Variants in AMH observed in about 807,000 individuals in gnomAD.
AMH encodes anti-Muellerian hormone.
AMH carries 39 observed loss-of-function variants against 33.3 expected under a neutral mutation model. That is an observed-to-expected ratio of 1.17 (90% CI 0.91 to 1.53). The LOEUF (loss-of-function observed/expected upper bound fraction) is 1.53. Ranked by LOEUF, AMH falls within the 40% of genes most tolerant of loss-of-function variation. The pLI is 0.00. For missense variants in AMH, 1,019 were observed against 799.8 expected, an observed-to-expected ratio of 1.27 and a Z score of -3.30; for synonymous variants, 536 against 403.0, an observed-to-expected ratio of 1.33 and a Z score of -3.95.
Position 2,251,293 on chromosome 19 carries a change from T to C in AMH, c.1019T>C (p.Leu340Pro). 2.0e-6 allele frequency: 3 copies of C among 1,503,316 alleles called. No homozygotes were observed. The highest frequency in any genetic ancestry group is 2.6e-6 in the Non-Finnish European group (3 of 1,133,922). The allele number at this position is 1,503,316 out of a possible 1,614,324, so 93.1% of individuals were successfully genotyped here. A position where few individuals can be genotyped will look rare whatever the true frequency, so the allele number is the denominator to read the frequency against. The change falls in exon 5 of 5, where the codon CTC becomes CCC. Residue 340 changes from leucine to proline, a missense_variant. Transcript: ENST00000221496. ...LSDPAALERL[L>P]DGEEPLLLLL... ...GACCCCGCGGCGCTGGAGCGCCTAC[T>C]CGACGGCGAGGAGCCGCTGCTGCTG... is the stretch of plus-strand genomic sequence containing the variant.
rs2024997053 is a variant in AMH at position 2,249,757 on chromosome 19, C to T, written c.412+13C>T. The stretch of plus-strand genomic sequence containing the variant: ...CACCTGGAGGAAGGTATGTGGGGCC[C>T]AGCCCCAAGCTTGGCACCGCCGTCT... On this transcript the variant is annotated intron_variant, in intron 1 of 4. Transcript: ENST00000221496. The T allele has an allele frequency of 1.3e-6, 2 of 1,494,400 alleles. No homozygotes were observed. Among genetic ancestry groups the T allele is most frequent in the African/African-American group, 1.4e-5 (1 of 71,426 alleles). The allele number at this position is 1,494,400 out of a possible 1,614,324, so 92.6% of individuals were successfully genotyped here. A position where few individuals can be genotyped will look rare whatever the true frequency, so the allele number is the denominator to read the frequency against.
At position 2,249,517 on chromosome 19, in the gene AMH, A is replaced by T; in HGVS notation, c.185A>T (p.Asp62Val). 2 of 1,604,894 alleles carry T rather than the reference A, an allele frequency of 1.2e-6. No homozygotes were observed. The highest frequency in any genetic ancestry group is 1.7e-6 in the Non-Finnish European group (2 of 1,177,140). ...EPLCLVALGGDSNGSSSPLRV... is the reference protein window; with the variant it reads ...EPLCLVALGGVSNGSSSPLRV... The stretch of plus-strand genomic sequence containing the variant: ...CTGTGCCTGGTGGCACTGGGCGGGG[A>T]CAGCAATGGCAGCAGCTCCCCCCTG... Residue 62 changes from aspartate to valine, a missense_variant, in exon 1 of 5, where the codon GAC becomes GTC. Physicochemically the swap from Asp to Val is radical, Grantham distance 152 (BLOSUM62 -3). Transcript: ENST00000221496.
chr19:2,251,160 C>T lies in AMH; in HGVS notation c.886C>T (p.Arg296Cys). ...AGACCCCTTCCTGGAGACGCTCACG[C>T]GCCTGGTGCGGGCGCTGCGGGTCCC... ...SADPFLETLTRLVRALRVPPA... is the reference protein window; with the variant it reads ...SADPFLETLTCLVRALRVPPA... The change falls in exon 5 of 5, where the codon CGC becomes TGC. Residue 296 changes from arginine (R) to cysteine (C), a missense_variant. Physicochemically the swap from Arg to Cys is radical, Grantham distance 180. Transcript: ENST00000221496. 3 of 1,522,456 alleles carry T rather than the reference C, an allele frequency of 2.0e-6. No homozygotes were observed. The highest frequency in any genetic ancestry group is 2.6e-6 in the Non-Finnish European group (3 of 1,141,578). The allele number at this position is 1,522,456 out of a possible 1,614,324, so 94.3% of individuals were successfully genotyped here.
rs2024995995 is a variant in AMH, at chr19:2,249,705, C to T, written c.373C>T (p.Pro125Ser). 2 of 1,505,414 alleles carry T rather than the reference C, an allele frequency of 1.3e-6. No individual in the cohort carries two copies. Among genetic ancestry groups the T allele is most frequent in the Non-Finnish European group, 1.8e-6 (2 of 1,132,258 alleles). 93.3% of individuals were successfully genotyped at this position (1,505,414 alleles called of 1,614,324 possible). A position where few individuals can be genotyped will look rare whatever the true frequency, so the allele number is the denominator to read the frequency against. The change falls in exon 1 of 5, where the codon CCT becomes TCT. Residue 125 changes from proline (P) to serine (S), a missense_variant. Coordinates refer to ENST00000221496, the MANE Select transcript of AMH (RefSeq NM_000479.5). ...LRRLGAWLRD[P>S]GGQRLVVLHL... is the part of the protein sequence containing the mutation. ...GCGGCTGGGGGCCTGGCTGCGGGAC[C>T]CTGGGGGGCAGCGCCTGGTGGTCCT... is the stretch of plus-strand genomic sequence containing the variant.
chr19:2,249,752 G>T lies in AMH; in HGVS notation c.412+8G>T. ...TCCTACACCTGGAGGAAGGTATGTG[G>T]GGCCCAGCCCCAAGCTTGGCACCGC... On this transcript the variant is annotated splice_region_variant and intron_variant, in intron 1 of 4. Transcript: ENST00000221496. The T allele has an allele frequency of 2.0e-6, 3 of 1,498,348 alleles. No homozygotes were observed. The allele number at this position is 1,498,348 out of a possible 1,614,324, so 92.8% of individuals were successfully genotyped here. A position where few individuals can be genotyped will look rare whatever the true frequency, so the allele number is the denominator to read the frequency against.
chr19:2,250,358 CG>C lies in AMH; in HGVS notation c.435del (p.Leu146Ter), dbSNP rs1215358180. On this transcript the variant is annotated frameshift_variant, in exon 2 of 5. Coordinates refer to ENST00000221496, the MANE Select transcript of AMH (RefSeq NM_000479.5). LOFTEE classifies it high-confidence loss of function. ...LEEVTWEPTPSLRFQEPPPGG... is the reference protein window; with the variant it reads ...LEEVTWEPTPXLRFQEPPPGG... ...GCAGTGACCTGGGAGCCAACACCCT[CG>C]CTGAGGTTCCAGGAGCCCCCGCCTG... The C allele has an allele frequency of 6.3e-7, 1 of 1,597,958 alleles. No homozygotes were observed. Among genetic ancestry groups the C allele is most frequent in the African/African-American group, 1.3e-5 (1 of 74,770 alleles).
At position 2,250,718 on chromosome 19, in the gene AMH, C is replaced by A; in HGVS notation, c.622C>A (p.Arg208Ser). The A allele has an allele frequency of 6.5e-7, 1 of 1,538,366 alleles. No homozygotes were observed. Among genetic ancestry groups the A allele is most frequent in the Non-Finnish European group, 8.7e-7 (1 of 1,147,736 alleles). Residue 208 changes from arginine to serine, a missense_variant, in exon 3 of 5, where the codon CGC becomes AGC. By Grantham distance (110) the Arg-to-Ser change is moderately radical (BLOSUM62 -1). Coordinates refer to ENST00000221496, the MANE Select transcript of AMH (RefSeq NM_000479.5). Reference protein sequence around the residue: ...LAVDRPAGAWRGSGLALTLQP... With the variant: ...LAVDRPAGAWSGSGLALTLQP... ...GGTGGACCGCCCTGCGGGGGCCTGG[C>A]GCGGCTCCGGGCTGGCCTTGACCCT...
Position 2,251,744 on chromosome 19 carries a change from C to T in AMH, c.1470C>T (p.Gly490=), listed in dbSNP as rs553721722. 1 of 1,611,496 alleles carries T rather than the reference C, an allele frequency of 6.2e-7. No individual in the cohort carries two copies. The change falls in exon 5 of 5, where the codon GGC becomes GGT. Residue 490 remains glycine, a synonymous_variant. Coordinates refer to ENST00000221496, the MANE Select transcript of AMH (RefSeq NM_000479.5). ...PETYQANNCQ[G]VCGWPQSDRN... ...CCTACCAGGCCAACAATTGCCAGGG[C>T]GTGTGCGGCTGGCCTCAGTCCGACC...
chr19:2,249,577 C>A lies in AMH; in HGVS notation c.245C>A (p.Ala82Asp). Residue 82 changes from alanine (A) to aspartate (D), a missense_variant, in exon 1 of 5, where the codon GCC (alanine) becomes GAC (aspartate). By Grantham distance (126) the Ala-to-Asp change is moderately radical (BLOSUM62 -2). Transcript: ENST00000221496. ...VVGALSAYEQ[A>D]FLGAVQRARW... Reference sequence around the variant, plus strand: ...GGGGCTCTAAGCGCCTATGAGCAGGCCTTCCTGGGGGCCGTGCAGAGGGCC... The same window carrying A: ...GGGGCTCTAAGCGCCTATGAGCAGGACTTCCTGGGGGCCGTGCAGAGGGCC... The A allele has an allele frequency of 6.4e-7, 1 of 1,571,556 alleles. No homozygotes were observed. Among genetic ancestry groups the A allele is most frequent in the South Asian group, 1.1e-5 (1 of 87,056 alleles).
At position 2,250,670 on chromosome 19, in the gene AMH, G is replaced by T. The variant is rs1460293317; in HGVS notation, c.574G>T (p.Asp192Tyr). ...TCCGCAGAGCCTCTGCCCCTCCCGA[G>T]ACACCCGCTACCTGGTGTTAGCGGT... ...PGAQSLCPSR[D>Y]TRYLVLAVDR... The change falls in exon 3 of 5, where the codon GAC becomes TAC. Residue 192 changes from aspartate (D) to tyrosine (Y), a missense_variant. Coordinates refer to ENST00000221496, the MANE Select transcript of AMH (RefSeq NM_000479.5). 3 of 1,539,506 alleles carry T rather than the reference G, an allele frequency of 1.9e-6. No homozygotes were observed. Among genetic ancestry groups the T allele is most frequent in the Non-Finnish European group, 1.7e-6 (2 of 1,147,212 alleles).
In AMH at chr19:2,249,460, T is replaced by C. The variant is rs768909669; in HGVS notation, c.128T>C (p.Leu43Ser). Residue 43 changes from leucine to serine, a missense_variant, in exon 1 of 5, where the codon TTG becomes TCG. By Grantham distance (145) the Leu-to-Ser change is moderately radical (BLOSUM62 -2). Transcript: ENST00000221496. ...GTSGLIFRED[L>S]DWPPGSPQEP... Reference sequence around the variant, plus strand: ...AGTGGCCTCATCTTCCGAGAAGACTTGGACTGGCCTCCAGGCAGCCCACAA... The same window carrying C: ...AGTGGCCTCATCTTCCGAGAAGACTCGGACTGGCCTCCAGGCAGCCCACAA... 10 of 1,606,280 alleles carry C rather than the reference T, an allele frequency of 6.2e-6. No individual in the cohort carries two copies. The African/African-American group carries it at 8.0e-5, about 13-fold the overall frequency.
At chr19:2,250,168 G>T (rs1380645589) in intron 1 of AMH, 169 bp from the exon 2 acceptor site, 2 of 1,154,312 alleles carry the variant, frequency 1.7e-6, no homozygotes, top group East Asian at 2.6e-5. Flanking sequence ...GCCCCTGCCT[G>T]CCCCTGCCGT....
At position 2,251,154 on chromosome 19, in the gene AMH, C is replaced by T; in HGVS notation, c.880C>T (p.Leu294Phe). The change falls in exon 5 of 5, where the codon CTC becomes TTC. Residue 294 changes from leucine (L) to phenylalanine (F), a missense_variant. Coordinates refer to ENST00000221496, the MANE Select transcript of AMH (RefSeq NM_000479.5). ...PPSADPFLETLTRLVRALRVP... is the reference protein window; with the variant it reads ...PPSADPFLETFTRLVRALRVP... ...CAGCGCAGACCCCTTCCTGGAGACG[C>T]TCACGCGCCTGGTGCGGGCGCTGCG... 1 of 1,526,166 alleles carries T rather than the reference C, an allele frequency of 6.6e-7. No individual in the cohort carries two copies. The highest frequency in any genetic ancestry group is 8.7e-7 in the Non-Finnish European group (1 of 1,143,368). 94.5% of individuals were successfully genotyped at this position (1,526,166 alleles called of 1,614,324 possible).
intron 2 of AMH, 47 bp from the exon 3 acceptor site, chr19:2,250,605 G>C (rs1024285731): frequency 3.3e-6 from 5 of 1,536,880 alleles, no homozygotes; most frequent in South Asian, 2.4e-5. Context: ...GGTAGAGCGG[G>C]GCTGGGTAAG....
chr19:2,250,256 G>C (rs945130575), intron 1 of AMH, 81 bp from the exon 2 acceptor site: 1 of 1,536,556 alleles, frequency 6.5e-7, no homozygotes, highest in Non-Finnish European at 8.7e-7. Flanking sequence ...ACAGTGGCCA[G>C]AGCGGCAGGG....
rs369866433 is a variant in AMH at position 2,249,519 on chromosome 19, A to G, written c.187A>G (p.Ser63Gly). ...GTGCCTGGTGGCACTGGGCGGGGAC[A>G]GCAATGGCAGCAGCTCCCCCCTGCG... Reference protein sequence around the residue: ...PLCLVALGGDSNGSSSPLRVV... With the variant: ...PLCLVALGGDGNGSSSPLRVV... Residue 63 changes from serine (S) to glycine (G), a missense_variant, in exon 1 of 5, where the codon AGC (serine) becomes GGC (glycine). Physicochemically the swap from Ser to Gly is moderately conservative, Grantham distance 56. Coordinates refer to ENST00000221496, the MANE Select transcript of AMH (RefSeq NM_000479.5). The G allele has an allele frequency of 2.4e-5, 38 of 1,603,342 alleles. No homozygotes were observed. In the African/African-American group the frequency reaches 3.6e-4, roughly 15 times the overall value.
At position 2,250,770 on chromosome 19, in the gene AMH, C is replaced by T. The variant is rs1450728201; in HGVS notation, c.664+10C>T. 8 of 1,535,032 alleles carry T rather than the reference C, an allele frequency of 5.2e-6. No individual in the cohort carries two copies. Among genetic ancestry groups the T allele is most frequent in the Middle Eastern group, 2.2e-4 (1 of 4,594 alleles). On this transcript the variant is annotated intron_variant, in intron 3 of 4. Coordinates refer to ENST00000221496, the MANE Select transcript of AMH (RefSeq NM_000479.5). ...CAGCCCCGCGGAGAGGGTAGGTCCG[C>T]GTGGAGAGGGACGGGGAGCCGGGTC...
Position 2,249,437 on chromosome 19 carries a change from T to C in AMH, c.105T>C (p.Ser35=). 1 of 1,602,434 alleles carries C rather than the reference T, an allele frequency of 6.2e-7. No individual in the cohort carries two copies. The highest frequency in any genetic ancestry group is 8.5e-7 in the Non-Finnish European group (1 of 1,175,266). The change falls in exon 1 of 5, where the codon AGT becomes AGC. Residue 35 remains serine (S), a synonymous_variant. Transcript: ENST00000221496. ...CAGAGGAGCCAGCTGTGGGCACCAG[T>C]GGCCTCATCTTCCGAGAAGACTTGG... is the stretch of plus-strand genomic sequence containing the variant. The part of the protein sequence containing the change: ...LRAEEPAVGT[S]GLIFREDLDW...
intron 1 of AMH, 50 bp downstream of exon 1, chr19:2,249,794 G>A (rs766245540): frequency 3.9e-5 from 57 of 1,452,914 alleles, no homozygotes; most frequent in Non-Finnish European, 5.1e-5. Context: ...CCTTCAGGTG[G>A]GCCGGGTCCT....
Sources: gnomAD v4.1 joint callset for allele counts on GRCh38, gnomAD v4.1.1 for gene constraint, MANE v1.5 for transcripts, NCBI Gene and HGNC (gene_info 2026-07-23, HGNC 2026-07-21) for gene names.